UHRF2: variants seen among roughly 807,000 people sequenced by gnomAD.
The protein encoded by UHRF2 is ubiquitin like with PHD and ring finger domains 2, also known as E3 ubiquitin-protein ligase UHRF2.
A neutral mutation model predicts 96.8 loss-of-function variants in UHRF2; 23 were observed. That is an observed-to-expected ratio of 0.24 (90% CI 0.17 to 0.34). The LOEUF (loss-of-function observed/expected upper bound fraction) is 0.34. UHRF2 is among the 10% of genes least tolerant of loss of function. The pLI, the probability that UHRF2 is intolerant of heterozygous loss-of-function variation, is 1.00. For missense variants in UHRF2, 685 were observed against 981.5 expected (o/e 0.70, Z 4.04); for synonymous variants, 385 against 332.6 (o/e 1.16, Z -1.72).
intron 9 of UHRF2, among the ~76,000 whole-genome samples, chr9:6,491,319 A>G (rs1190834347): frequency 1.3e-5 from 2 of 152,196 alleles, no homozygotes; most frequent in Non-Finnish European, 2.9e-5. Flanking sequence ...TCTGTAAAAT[A>G]AGATTTATAG....
chr9:6,421,018 T>A lies in UHRF2; in HGVS notation c.260T>A (p.Ile87Asn), dbSNP rs147971931. 6.8e-5 allele frequency: 110 copies of A among 1,614,052 alleles called. No individual in the cohort carries two copies. The highest frequency in any genetic ancestry group is 9.0e-5 in the Non-Finnish European group (106 of 1,180,034). ...CATCTTCCTGGCACATCTACACAGATTGAGGCTAAACCCTGTTCTAATAGT... is the reference window on the plus strand; with the variant it reads ...CATCTTCCTGGCACATCTACACAGAATGAGGCTAAACCCTGTTCTAATAGT... ...PDHLPGTSTQIEAKPCSNSPP... is the reference protein window; with the variant it reads ...PDHLPGTSTQNEAKPCSNSPP... The change falls in exon 2 of 16, where the codon ATT becomes AAT. Residue 87 changes from isoleucine (I) to asparagine (N), a missense_variant. Coordinates refer to ENST00000276893, the MANE Select transcript of UHRF2 (RefSeq NM_152896.3).
At chr9:6,416,488 G>GA (rs1346865209) in intron 1 of UHRF2, among the ~76,000 whole-genome samples, 1 of 151,886 alleles carries the variant, frequency 6.6e-6, no homozygotes, top group African/African-American at 2.4e-5. Context: ...GGCACGCGGG[G>GA]GATTGGGTCT....
At chr9:6,422,907 G>C (rs1050471080) in intron 2 of UHRF2, 10 of 366,826 alleles carry the variant, frequency 2.7e-5, no homozygotes, top group African/African-American at 1.9e-4. Flanking sequence ...TGCTGATATA[G>C]AGAAATGAAA....
At chr9:6,469,676 GTA>G (rs1554630010) in intron 4 of UHRF2, among the ~76,000 whole-genome samples, 1 of 93,432 alleles carries the variant, frequency 1.1e-5, no homozygotes, top group Non-Finnish European at 1.9e-5. Flanking sequence ...GTGTGTGTGT[GTA>G]TGTATATATA....
intron 4 of UHRF2, among the ~76,000 whole-genome samples, chr9:6,469,202 C>G (rs1823063042): frequency 1.3e-5 from 2 of 152,086 alleles, no homozygotes; most frequent in African/African-American, 4.8e-5. Context: ...TTATAGTTTC[C>G]TAAGACCTTG....
intron 3 of UHRF2, among the ~76,000 whole-genome samples, chr9:6,436,606 G>T (rs1344404302): frequency 6.6e-6 from 1 of 152,150 alleles, no homozygotes; most frequent in Non-Finnish European, 1.5e-5. Flanking sequence ...CATAGACATA[G>T]AATAAGGAAC....
chr9:6,471,849 G>A (rs1345254562), intron 4 of UHRF2, among the ~76,000 whole-genome samples: 2 of 152,142 alleles, frequency 1.3e-5, no homozygotes, highest in Non-Finnish European at 2.9e-5. Context: ...AAACTGGTGG[G>A]AATAGGTTCC....
intron 12 of UHRF2, 40 bp from the exon 13 acceptor site, chr9:6,499,795 T>A (rs1825171519): frequency 6.8e-7 from 1 of 1,460,780 alleles, no homozygotes; most frequent in Non-Finnish European, 9.3e-7. Flanking sequence ...TCTGTGAAGC[T>A]TAAATCTGCA....
chr9:6,425,349 A>G (rs1186682927), intron 2 of UHRF2, among the ~76,000 whole-genome samples: 1 of 152,080 alleles, frequency 6.6e-6, no homozygotes, highest in Non-Finnish European at 1.5e-5. Context: ...TGTTTTTCTT[A>G]AGCATTATCT....
At chr9:6,446,188 G>A (rs1452845763) in intron 3 of UHRF2, among the ~76,000 whole-genome samples, 1 of 149,568 alleles carries the variant, frequency 6.7e-6, no homozygotes, top group Admixed American at 6.7e-5. Flanking sequence ...GTCTTGCTCT[G>A]TCACCAGGCT....
intron 6 of UHRF2, among the ~76,000 whole-genome samples, chr9:6,480,037 A>G (rs111616743): frequency 2.8e-4 from 43 of 152,308 alleles, no homozygotes; most frequent in African/African-American, 1.0e-3. Context: ...AATAAAAAAA[A>G]TCTAAGCCCT....
At chr9:6,449,334 G>A (rs72693585) in intron 3 of UHRF2, 1 of 152,340 alleles carries the variant, frequency 6.6e-6, no homozygotes, top group Non-Finnish European at 1.5e-5. Flanking sequence ...TCACACCTGA[G>A]CTTACCATTA....
chr9:6,445,814 T>G (rs1821451251), intron 3 of UHRF2, among the ~76,000 whole-genome samples: 1 of 152,054 alleles, frequency 6.6e-6, no homozygotes, highest in Admixed American at 6.5e-5. Context: ...TCCTTCCCCC[T>G]TGGCCTCCCA....
At chr9:6,419,665 G>C (rs995571917) in intron 1 of UHRF2, among the ~76,000 whole-genome samples, 1 of 152,136 alleles carries the variant, frequency 6.6e-6, no homozygotes, top group African/African-American at 2.4e-5. Context: ...TAAAACTTGA[G>C]AAATTAAATC....
chr9:6,416,395 G>A (rs1433607411), intron 1 of UHRF2, among the ~76,000 whole-genome samples: 1 of 151,848 alleles, frequency 6.6e-6, no homozygotes, highest in Non-Finnish European at 1.5e-5. Context: ...GGTCAAAATG[G>A]AGACCTGCAA....
In UHRF2 at chr9:6,459,390, C is replaced by T. The variant is rs1377216226; in HGVS notation, c.645-1183C>T. Among the ~76,000 whole-genome samples, 5 of 152,066 alleles carry T rather than the reference C, an allele frequency of 3.3e-5. No individual in the cohort carries two copies. The East Asian group carries it at 5.8e-4, about 18-fold the overall frequency. ...TCCTGTTAAAACTTAAACTTGGGGC[C>T]GGGTGCGGTGGCTCATGCCTGTAAT... On this transcript the variant is annotated intron_variant, in intron 3 of 15. Coordinates refer to ENST00000276893, the MANE Select transcript of UHRF2 (RefSeq NM_152896.3).
In UHRF2 at chr9:6,499,916, A is replaced by G. The variant is rs1825183067; in HGVS notation, c.1990A>G (p.Arg664Gly). Residue 664 changes from arginine (R) to glycine (G), a missense_variant, in exon 13 of 16, where the codon AGG (arginine) becomes GGG (glycine). Physicochemically the swap from Arg to Gly is moderately radical, Grantham distance 125. This residue lies in a region of UHRF2 where 99 missense variants were observed against 73.5 expected (regional missense o/e 1.35). Transcript: ENST00000276893. ...GAAGCAGCCCAGTGGAACCACAAAA[A>G]GGCCAATTTCAGATGGTAGGTAATG... is the stretch of plus-strand genomic sequence containing the variant. ...SKKQPSGTTKRPISDDDCPSA... is the reference protein window; with the variant it reads ...SKKQPSGTTKGPISDDDCPSA... 5 of 1,610,984 alleles carry G rather than the reference A, an allele frequency of 3.1e-6. No individual in the cohort carries two copies. The highest frequency in any genetic ancestry group is 1.3e-5 in the African/African-American group (1 of 74,786).
intron 3 of UHRF2, 51 bp from the exon 4 acceptor site, chr9:6,460,522 A>C (rs1822474405): frequency 4.0e-6 from 6 of 1,484,438 alleles, no homozygotes; most frequent in Non-Finnish European, 5.5e-6. Context: ...ATTGCATAAA[A>C]CTTTAGTTGT....
intron 4 of UHRF2, among the ~76,000 whole-genome samples, chr9:6,469,733 CGTGT>C (rs1823118648): frequency 6.8e-6 from 1 of 146,530 alleles, no homozygotes; most frequent in African/African-American, 2.5e-5. Context: ...TGCATATATA[CGTGT>C]ATATATATAC....
Sources: allele counts gnomAD v4.1 joint callset (sites outside exome capture counted in the v4.1 genomes callset), GRCh38; gene constraint gnomAD v4.1.1; regional missense constraint gnomAD v4.1.1; transcripts MANE v1.5; gene names NCBI Gene and HGNC (gene_info 2026-07-23, HGNC 2026-07-21).